Variants in ROBO1 observed in about 807,000 individuals in gnomAD.
The protein encoded by ROBO1 is roundabout homolog 1.
A neutral mutation model predicts 195.9 loss-of-function variants in ROBO1; 149 were observed. The observed-to-expected ratio is 0.76, with a 90% CI of 0.67 to 0.87. ROBO1 has a LOEUF of 0.87. Ranked by LOEUF, ROBO1 falls within the 40% of genes least tolerant of loss-of-function variation. ROBO1 has a pLI of 0.00. For missense variants in ROBO1, 1,933 were observed against 2,068.3 expected (o/e 0.93, Z 1.27); for synonymous variants, 816 against 733.2 (o/e 1.11, Z -1.82).
chr3:79,463,733 G>A (rs1016283949), intron 2 of ROBO1, among the ~76,000 whole-genome samples: 8 of 152,176 alleles, frequency 5.3e-5, no homozygotes, highest in Non-Finnish European at 8.8e-5. Context: ...ACTGATGGTT[G>A]TCTTCAAATG....
chr3:79,553,734 A>G (rs9835102), intron 2 of ROBO1, among the ~76,000 whole-genome samples: 36,313 of 152,054 alleles, frequency 0.24, 4,906 homozygotes, highest in African/African-American at 0.36. Flanking sequence ...CTATCAGCAC[A>G]GAAATACTGA....
In ROBO1 at chr3:78,660,911, A is replaced by G. The variant is rs187671683; in HGVS notation, c.2320+119T>C. ...AATACTGTTAGCAAAATGTATGTTC[A>G]ATATCAAGAAAGTTAGTAATTAATG... On this transcript the variant is annotated intron_variant, in intron 16 of 30. Transcript: ENST00000464233. 1.1e-3 allele frequency: 770 copies of G among 730,478 alleles called. 8 individuals carry two copies. The East Asian group carries it at 0.021, about 20-fold the overall frequency. 45.2% of individuals were successfully genotyped at this position (730,478 alleles called of 1,614,324 possible).
At chr3:78,944,668 G>A (rs974064358) in intron 3 of ROBO1, among the ~76,000 whole-genome samples, 4 of 152,240 alleles carry the variant, frequency 2.6e-5, no homozygotes, top group African/African-American at 7.2e-5. Flanking sequence ...AGTAGGTGCA[G>A]GACAGTGGGT....
intron 3 of ROBO1, among the ~76,000 whole-genome samples, chr3:79,076,888 A>G (rs1009238678): frequency 2.6e-5 from 4 of 151,872 alleles, no homozygotes; most frequent in Non-Finnish European, 5.9e-5. Flanking sequence ...ACAATTTTTC[A>G]TATTTAACTT....
intron 2 of ROBO1, among the ~76,000 whole-genome samples, chr3:79,372,532 T>C (rs12633213): frequency 0.57 from 86,807 of 151,744 alleles, 27,065 homozygotes; most frequent in African/African-American, 0.84. Flanking sequence ...TAAGGAGAGA[T>C]GTGGGAGTGC....
chr3:78,716,292 G>T (rs1352746563), intron 7 of ROBO1, among the ~76,000 whole-genome samples: 1 of 152,170 alleles, frequency 6.6e-6, no homozygotes, highest in South Asian at 2.1e-4. Context: ...AAGGAAAGAG[G>T]TTTAATTGAC....
intron 3 of ROBO1, among the ~76,000 whole-genome samples, chr3:78,994,857 G>T (rs1343376185): frequency 2.6e-5 from 4 of 152,116 alleles, no homozygotes; most frequent in African/African-American, 9.7e-5. Flanking sequence ...CTGTCTCAGT[G>T]AAAAGTATAA....
intron 1 of ROBO1, among the ~76,000 whole-genome samples, chr3:79,603,405 A>C (rs532238895): frequency 6.6e-6 from 1 of 151,996 alleles, no homozygotes; most frequent in South Asian, 2.1e-4. Flanking sequence ...ACAGCCCTTG[A>C]ACTTCTGGCT....
Position 79,470,408 on chromosome 3 carries a change from C to T in ROBO1, c.88+119416G>A, listed in dbSNP as rs190912106. Among the ~76,000 whole-genome samples the T allele has an allele frequency of 3.3e-5, 5 of 152,020 alleles. No individual in the cohort carries two copies. In the East Asian group the frequency reaches 5.8e-4, roughly 18 times the overall value. ...GGGAACATCACATACTGGGGCCTGT[C>T]GTGGGGCATGGGGAGGGAGGAGGGA... On this transcript the variant is annotated intron_variant, in intron 2 of 30. Transcript: ENST00000464233.
chr3:78,718,381 A>T (rs960251752), intron 5 of ROBO1, among the ~76,000 whole-genome samples: 1 of 152,178 alleles, frequency 6.6e-6, no homozygotes, highest in African/African-American at 2.4e-5. Flanking sequence ...GCTTTAAAGA[A>T]TGTATCTTCA....
intron 3 of ROBO1, among the ~76,000 whole-genome samples, chr3:79,063,004 A>T (rs1406610119): frequency 1.3e-5 from 2 of 151,972 alleles, no homozygotes; most frequent in Non-Finnish European, 2.9e-5. Flanking sequence ...AAGAAGAAAA[A>T]AAATGACCTT....
At chr3:79,147,488 G>A (rs2080677508) in intron 2 of ROBO1, among the ~76,000 whole-genome samples, 1 of 151,908 alleles carries the variant, frequency 6.6e-6, no homozygotes, top group African/African-American at 2.4e-5. Context: ...TCCTTACACA[G>A]CTGTTGTCCC....
At chr3:78,930,144 T>C (rs917070742) in intron 4 of ROBO1, among the ~76,000 whole-genome samples, 2 of 152,144 alleles carry the variant, frequency 1.3e-5, no homozygotes, top group Non-Finnish European at 2.9e-5. Context: ...GCAAACTCCC[T>C]AACTATACAA....
intron 2 of ROBO1, among the ~76,000 whole-genome samples, chr3:79,428,246 C>A (rs2038530693): frequency 6.6e-6 from 1 of 151,948 alleles, no homozygotes; most frequent in Admixed American, 6.6e-5. Context: ...ATCAAAATAT[C>A]TCATGTAACT....
chr3:78,925,315 G>A (rs2039149104), intron 4 of ROBO1, among the ~76,000 whole-genome samples: 1 of 152,068 alleles, frequency 6.6e-6, no homozygotes, highest in African/African-American at 2.4e-5. Context: ...TATCATCTGA[G>A]CTAATGATCA....
At chr3:78,667,804 T>C in intron 14 of ROBO1, 79 bp downstream of exon 14, 1 of 1,409,658 alleles carries the variant, frequency 7.1e-7, no homozygotes, top group Non-Finnish European at 9.8e-7. Flanking sequence ...TTCTAGCATG[T>C]AGCACAAGTG....
rs1221421901 is a variant in ROBO1 at position 78,813,280 on chromosome 3, T to G, written c.500-66380A>C. On this transcript the variant is annotated intron_variant, in intron 4 of 30. Transcript: ENST00000464233. ...CACACACACCACTTTGATAACAAAA[T>G]GAATACAGAAAGTTGTCAAAGTCAT... Among the ~76,000 whole-genome samples the G allele has an allele frequency of 4.6e-5, 7 of 151,940 alleles. No homozygotes were observed. In the South Asian group the frequency reaches 1.5e-3, roughly 31 times the overall value.
At chr3:78,709,439 T>TA (rs1186034251) in intron 8 of ROBO1, among the ~76,000 whole-genome samples, 7 of 152,268 alleles carry the variant, frequency 4.6e-5, no homozygotes, top group African/African-American at 1.7e-4. Flanking sequence ...AAAAAATATA[T>TA]TTTTAGCCCA....
chr3:79,244,702 T>C (rs1311203477), intron 2 of ROBO1, among the ~76,000 whole-genome samples: 1 of 152,226 alleles, frequency 6.6e-6, no homozygotes, highest in South Asian at 2.1e-4. Flanking sequence ...TCTGATTCTA[T>C]ATATAAATCC....
Sources: allele counts gnomAD v4.1 joint callset (sites outside exome capture counted in the v4.1 genomes callset), GRCh38; gene constraint gnomAD v4.1.1; transcripts MANE v1.5; gene names NCBI Gene and HGNC (gene_info 2026-07-23, HGNC 2026-07-21).